CMIP: variants seen among roughly 807,000 people sequenced by gnomAD.
CMIP encodes the protein C-Maf-inducing protein.
A neutral mutation model predicts 97.3 loss-of-function variants in CMIP; 13 were observed. The observed-to-expected ratio is 0.13, with a 90% CI of 0.09 to 0.21. The LOEUF is 0.21. CMIP is among the 10% of genes least tolerant of loss of function. The pLI is 1.00. For synonymous variants in CMIP, 538 were observed against 436.3 expected (o/e 1.23, Z -2.91); for missense variants, 847 against 1,024.9 (o/e 0.83, Z 2.37).
chr16:81,472,361 A>T (rs1292780148), intron 1 of CMIP, among the ~76,000 whole-genome samples: 1 of 152,194 alleles, frequency 6.6e-6, no homozygotes, highest in Non-Finnish European at 1.5e-5. Context: ...CTTCGTGAAG[A>T]TGAGCTGTTC....
At chr16:81,555,728 A>T (rs2090749229) in intron 1 of CMIP, among the ~76,000 whole-genome samples, 1 of 152,180 alleles carries the variant, frequency 6.6e-6, no homozygotes, top group Non-Finnish European at 1.5e-5. Context: ...GGAAGGAGAA[A>T]CGTCCCCACC....
chr16:81,578,253 G>A (rs1031494912), intron 1 of CMIP, among the ~76,000 whole-genome samples: 9 of 151,910 alleles, frequency 5.9e-5, no homozygotes, highest in East Asian at 3.9e-4. Context: ...CATCATCTTC[G>A]TCACCACTGT....
At chr16:81,501,756 T>G (rs974939083) in intron 1 of CMIP, among the ~76,000 whole-genome samples, 1 of 151,902 alleles carries the variant, frequency 6.6e-6, no homozygotes, top group Non-Finnish European at 1.5e-5. Context: ...GAATTACAGG[T>G]GCATGCCACC....
intron 1 of CMIP, among the ~76,000 whole-genome samples, chr16:81,558,184 G>A (rs1252255419): frequency 6.6e-6 from 1 of 151,982 alleles, no homozygotes; most frequent in Non-Finnish European, 1.5e-5. Context: ...TTCTCCATCC[G>A]TCCGTCCATC....
At chr16:81,636,811 A>G (rs2092242738) in intron 3 of CMIP, among the ~76,000 whole-genome samples, 2 of 152,060 alleles carry the variant, frequency 1.3e-5, no homozygotes, top group South Asian at 2.1e-4. Flanking sequence ...TCCGTCTCCA[A>G]AGAAGACAGC....
At chr16:81,484,413 C>T (rs11862295) in intron 1 of CMIP, among the ~76,000 whole-genome samples, 6,835 of 152,256 alleles carry the variant, frequency 0.045, 181 homozygotes, top group Non-Finnish European at 0.062. Context: ...CCCGTCTCCC[C>T]GACGAAGGGT....
chr16:81,485,793 A>G (rs560317090), intron 1 of CMIP, among the ~76,000 whole-genome samples: 9 of 152,240 alleles, frequency 5.9e-5, no homozygotes, highest in Non-Finnish European at 1.0e-4. Context: ...CCAAATGCAG[A>G]AGGGGAAGCT....
At chr16:81,513,307 G>C (rs1269311169) in intron 1 of CMIP, among the ~76,000 whole-genome samples, 1 of 152,204 alleles carries the variant, frequency 6.6e-6, no homozygotes, top group Non-Finnish European at 1.5e-5. Context: ...CCTTTCTCTT[G>C]GGCCTGGTTG....
intron 6 of CMIP, 101 bp from the exon 7 acceptor site, chr16:81,664,168 C>A: frequency 1.8e-6 from 2 of 1,083,472 alleles, no homozygotes; most frequent in Non-Finnish European, 2.6e-6. Context: ...GGAACCCAGG[C>A]ACCCACAGCT....
chr16:81,708,596 G>C (rs879236695), intron 20 of CMIP, among the ~76,000 whole-genome samples: 1 of 152,220 alleles, frequency 6.6e-6, no homozygotes, highest in African/African-American at 2.4e-5. Flanking sequence ...CTGTGGAGGG[G>C]ACTCGAGCAA....
intron 1 of CMIP, among the ~76,000 whole-genome samples, chr16:81,471,777 G>T (rs138793375): frequency 6.6e-6 from 1 of 152,274 alleles, no homozygotes; most frequent in Middle Eastern, 3.4e-3. Flanking sequence ...ATGATACCAT[G>T]GCAGTGGAAT....
intron 3 of CMIP, chr16:81,645,332 G>C (rs748481788): frequency 1.5e-4 from 200 of 1,371,622 alleles, no homozygotes; most frequent in Non-Finnish European, 1.8e-4. Flanking sequence ...TTCACGACAG[G>C]TGGTGGGGAG....
intron 1 of CMIP, among the ~76,000 whole-genome samples, chr16:81,568,377 G>A (rs1294423351): frequency 1.3e-5 from 2 of 152,144 alleles, no homozygotes; most frequent in Admixed American, 6.5e-5. Flanking sequence ...AGGGAGCTGT[G>A]CCCCCAACCC....
intron 1 of CMIP, among the ~76,000 whole-genome samples, chr16:81,510,016 C>A (rs1373956229): frequency 3.3e-5 from 5 of 152,200 alleles, no homozygotes; most frequent in Non-Finnish European, 7.4e-5. Context: ...ACCTCATTTT[C>A]TGATCAATTT....
rs551769130 is a variant in CMIP, at chr16:81,671,887, G to A, written c.930-79G>A. ...GCGGGCAGCCCCGTGCCTGAGCAAC[G>A]CCCTCCCTTTCCCCCCTTACCCTGT... On this transcript the variant is annotated intron_variant, in intron 8 of 20. Coordinates refer to ENST00000537098, the MANE Select transcript of CMIP (RefSeq NM_198390.3). 30 of 696,370 alleles carry A rather than the reference G, an allele frequency of 4.3e-5. No individual in the cohort carries two copies. In the East Asian group the frequency reaches 4.4e-4, roughly 10 times the overall value. The allele number at this position is 696,370 out of a possible 1,614,324, so 43.1% of individuals were successfully genotyped here.
intron 1 of CMIP, among the ~76,000 whole-genome samples, chr16:81,600,288 A>G (rs900178832): frequency 4.0e-5 from 6 of 151,748 alleles, no homozygotes; most frequent in Non-Finnish European, 2.9e-5. Flanking sequence ...AAAAAAAAAA[A>G]AAAAAAAAGA....
chr16:81,584,863 G>C (rs1366133051), intron 1 of CMIP, among the ~76,000 whole-genome samples: 4 of 152,194 alleles, frequency 2.6e-5, no homozygotes, highest in Non-Finnish European at 5.9e-5. Flanking sequence ...GAAGCCTGCT[G>C]GGCCTGGATG....
chr16:81,546,462 G>A (rs1354520823), intron 1 of CMIP, among the ~76,000 whole-genome samples: 43 of 152,176 alleles, frequency 2.8e-4, no homozygotes, highest in Non-Finnish European at 4.4e-5. Context: ...TTTTCCTGAG[G>A]CTTGGTGGGG....
intron 1 of CMIP, among the ~76,000 whole-genome samples, chr16:81,546,901 G>C (rs1055950818): frequency 2.0e-5 from 3 of 152,210 alleles, no homozygotes; most frequent in Non-Finnish European, 4.4e-5. Context: ...GCCACGCGTG[G>C]CGAACAGCTC....
Sources: gnomAD v4.1 joint callset for allele counts (sites outside exome capture counted in the v4.1 genomes callset) on GRCh38, gnomAD v4.1.1 for gene constraint, MANE v1.5 for transcripts, NCBI Gene and HGNC (gene_info 2026-07-23, HGNC 2026-07-21) for gene names.